The following PRIM2 variants were observed in gnomAD, a reference collection of about 807,000 sequenced individuals.
PRIM2 encodes DNA primase large subunit.
A neutral mutation model predicts 67.3 loss-of-function variants in PRIM2; 39 were observed. The ratio of observed to expected loss-of-function variants is 0.58; its 90% confidence interval spans 0.45 to 0.76. The LOEUF is 0.76. PRIM2 is among the 30% of genes least tolerant of loss of function. The pLI is 0.00. For missense variants in PRIM2, 398 were observed against 598.7 expected, an observed-to-expected ratio of 0.66 and a Z score of 3.50; for synonymous variants, 143 against 198.7, an observed-to-expected ratio of 0.72 and a Z score of 2.36.
chr6:57,526,613 G>T (rs1774759674), intron 8 of PRIM2, among the ~76,000 whole-genome samples: 1 of 152,150 alleles, frequency 6.6e-6, no homozygotes, highest in Admixed American at 6.5e-5. Context: ...AATGGTATTT[G>T]TGTTATATCT....
chr6:57,375,015 A>G (rs1769710293), intron 5 of PRIM2, among the ~76,000 whole-genome samples: 1 of 152,248 alleles, frequency 6.6e-6, no homozygotes, highest in African/African-American at 2.4e-5. Flanking sequence ...TCTGTAAACA[A>G]AGATAGTTTG....
At chr6:57,249,780 G>A in the PRIM2 span, among the ~76,000 whole-genome samples, 1 of 152,032 alleles carries the variant, frequency 6.6e-6, no homozygotes, top group Non-Finnish European at 1.5e-5. Context: ...CTATGCTAAC[G>A]TGCTGGTCAA....
At chr6:57,606,184 C>T (rs1776558228) in intron 11 of PRIM2, among the ~76,000 whole-genome samples, 191 bp from the exon 12 acceptor site, 1 of 152,202 alleles carries the variant, frequency 6.6e-6, no homozygotes. Context: ...CTGGAGTGCC[C>T]TGATAACCAT....
chr6:57,516,019 T>C (rs1774480555), intron 8 of PRIM2, among the ~76,000 whole-genome samples: 1 of 151,568 alleles, frequency 6.6e-6, no homozygotes, highest in Admixed American at 6.6e-5. Context: ...TCTCATGCTT[T>C]CCATGATTTC....
rs1769893792 is a variant in PRIM2, at chr6:57,379,893, T to C, written c.460-8T>C. ...ATTTTTGTAACAGCTTAAAATATGTTTTTTTAGATAAGTGATGAAGAGAAG... is the reference window on the plus strand; with the variant it reads ...ATTTTTGTAACAGCTTAAAATATGTCTTTTTAGATAAGTGATGAAGAGAAG... On this transcript the variant is annotated splice_polypyrimidine_tract_variant and splice_region_variant and intron_variant, in intron 5 of 13. Transcript: ENST00000615550. 1.3e-6 allele frequency: 2 copies of C among 1,534,706 alleles called. No individual in the cohort carries two copies. The highest frequency in any genetic ancestry group is 2.8e-5 in the African/African-American group (2 of 71,866).
chr6:57,354,961 AG>A (rs1052974749), intron 5 of PRIM2, among the ~76,000 whole-genome samples: 3 of 152,232 alleles, frequency 2.0e-5, no homozygotes, highest in Non-Finnish European at 2.9e-5. Context: ...CAGCACAAAG[AG>A]CAGAGGCAGT....
intron 7 of PRIM2, among the ~76,000 whole-genome samples, chr6:57,501,325 G>A (rs1554346858): frequency 6.6e-6 from 1 of 151,938 alleles, no homozygotes; most frequent in Non-Finnish European, 1.5e-5. Flanking sequence ...TGGAGACAGA[G>A]TTTTGCTCTT....
chr6:57,400,974 T>C (rs1770687422), intron 7 of PRIM2, among the ~76,000 whole-genome samples: 1 of 152,206 alleles, frequency 6.6e-6, no homozygotes, highest in Non-Finnish European at 1.5e-5. Context: ...GTTACGTTCT[T>C]TTTTATACTG....
intron 5 of PRIM2, among the ~76,000 whole-genome samples, chr6:57,331,742 G>A (rs1768063913): frequency 6.6e-6 from 1 of 151,936 alleles, no homozygotes; most frequent in African/African-American, 2.4e-5. Context: ...AAGGATTGGT[G>A]ATGATGTCTT....
chr6:57,578,904 C>T lies in PRIM2; in HGVS notation c.1021-22189C>T, dbSNP rs1319546259. ...TGTTAGCCAGGATGGTCTCGATCTCCTGACCTCGTGATCCGCCCGCCTCGG... is the reference window on the plus strand; with the variant it reads ...TGTTAGCCAGGATGGTCTCGATCTCTTGACCTCGTGATCCGCCCGCCTCGG... On this transcript the variant is annotated intron_variant, in intron 10 of 13. Transcript: ENST00000615550. Among the ~76,000 whole-genome samples the T allele has an allele frequency of 3.3e-5, 5 of 151,780 alleles. No individual in the cohort carries two copies. In the South Asian group the frequency reaches 1.0e-3, roughly 32 times the overall value.
intron 7 of PRIM2, among the ~76,000 whole-genome samples, chr6:57,454,826 A>G (rs983335650): frequency 6.6e-6 from 1 of 152,084 alleles, no homozygotes; most frequent in Admixed American, 6.5e-5. Context: ...GCCTTCTGTT[A>G]GCTTTTGAAT....
At chr6:57,295,750 G>A in the PRIM2 span, among the ~76,000 whole-genome samples, 1 of 152,236 alleles carries the variant, frequency 6.6e-6, no homozygotes, top group East Asian at 1.9e-4. Flanking sequence ...AGCTACACAG[G>A]CACCTTAACT....
intron 5 of PRIM2, among the ~76,000 whole-genome samples, chr6:57,371,565 A>G (rs896719754): frequency 4.6e-5 from 7 of 152,230 alleles, no homozygotes; most frequent in Non-Finnish European, 1.0e-4. Flanking sequence ...TTGGGCAACA[A>G]ACAATACATG....
intron 6 of PRIM2, among the ~76,000 whole-genome samples, chr6:57,381,461 A>G (rs1769957909): frequency 6.6e-6 from 1 of 151,314 alleles, no homozygotes; most frequent in Non-Finnish European, 1.5e-5. Flanking sequence ...TTAAAAATCT[A>G]AGATTTTTAA....
intron 11 of PRIM2, among the ~76,000 whole-genome samples, chr6:57,604,530 C>T (rs1472688996): frequency 3.3e-5 from 5 of 152,040 alleles, no homozygotes; most frequent in African/African-American, 9.7e-5. Flanking sequence ...AGTGGGCATC[C>T]TTGTCTTGTT....
At chr6:57,276,068 A>G in the PRIM2 span, among the ~76,000 whole-genome samples, 30 of 152,196 alleles carry the variant, frequency 2.0e-4, no homozygotes, top group Admixed American at 1.0e-3. Flanking sequence ...TAGCAGTAGC[A>G]TGCTAGAATA....
chr6:57,466,034 G>C (rs35436419), intron 7 of PRIM2, among the ~76,000 whole-genome samples: 1 of 150,946 alleles, frequency 6.6e-6, no homozygotes, highest in Non-Finnish European at 1.5e-5. Context: ...ATGTGTTCTC[G>C]TTGTTCAGTT....
At chr6:57,339,465 G>T (rs545841573) in intron 5 of PRIM2, among the ~76,000 whole-genome samples, 1 of 152,142 alleles carries the variant, frequency 6.6e-6, no homozygotes, top group East Asian at 1.9e-4. Flanking sequence ...ATACTACAAG[G>T]CTACAGTAAC....
chr6:57,634,698 C>T (rs1213431521), intron 13 of PRIM2, among the ~76,000 whole-genome samples: 1 of 152,194 alleles, frequency 6.6e-6, no homozygotes, highest in Non-Finnish European at 1.5e-5. Context: ...GGCATAATCA[C>T]CAAAAAGTAA....
Sources: gnomAD v4.1 joint callset for allele counts (sites outside exome capture counted in the v4.1 genomes callset) on GRCh38, gnomAD v4.1.1 for gene constraint, MANE v1.5 for transcripts, NCBI Gene and HGNC (gene_info 2026-07-23, HGNC 2026-07-21) for gene names.